Variants in TESK2 observed in about 807,000 individuals in gnomAD.
TESK2 encodes the protein dual specificity testis-specific protein kinase 2.
Under a neutral mutation model 57.1 loss-of-function variants are expected in TESK2, and 39 were observed. The ratio of observed to expected loss-of-function variants is 0.68; its 90% CI spans 0.53 to 0.89. TESK2 has a LOEUF of 0.89. Ranked by LOEUF, TESK2 falls within the 40% of genes least tolerant of loss-of-function variation. The pLI is 0.00. For missense variants in TESK2, 646 were observed against 732.1 expected, an observed-to-expected ratio of 0.88 and a Z score of 1.36; for synonymous variants, 249 against 267.9, an observed-to-expected ratio of 0.93 and a Z score of 0.69.
chr1:45,373,727 A>T (rs1174841694), intron 4 of TESK2, among the ~76,000 whole-genome samples: 2 of 152,258 alleles, frequency 1.3e-5, no homozygotes, highest in Non-Finnish European at 2.9e-5. Context: ...CAGGATAACA[A>T]GAAAAGACCA....
intron 1 of TESK2, among the ~76,000 whole-genome samples, chr1:45,472,973 TAAAAAAA>T (rs1023886539): frequency 3.0e-5 from 3 of 100,846 alleles, no homozygotes; most frequent in Non-Finnish European, 6.2e-5. Flanking sequence ...CTGTCTCTAC[TAAAAAAA>T]AAAAAAAAAA....
intron 5 of TESK2, among the ~76,000 whole-genome samples, chr1:45,349,214 C>G (rs1295156281): frequency 1.3e-5 from 2 of 151,886 alleles, no homozygotes; most frequent in Admixed American, 6.6e-5. Context: ...AAATCAATCC[C>G]TTACTCTGGC....
chr1:45,403,191 G>A (rs1649699355), intron 3 of TESK2, among the ~76,000 whole-genome samples: 1 of 150,620 alleles, frequency 6.6e-6, no homozygotes, highest in African/African-American at 2.4e-5. Context: ...TGAAGTGGAA[G>A]GCTTGAGCCT....
chr1:45,442,846 C>T (rs1023185315), intron 2 of TESK2, among the ~76,000 whole-genome samples: 5 of 152,156 alleles, frequency 3.3e-5, no homozygotes, highest in Admixed American at 3.3e-4. Flanking sequence ...AGTGCAGTGG[C>T]GTGATCTCGG....
At chr1:45,389,700 T>C (rs1649058494) in intron 3 of TESK2, among the ~76,000 whole-genome samples, 1 of 152,176 alleles carries the variant, frequency 6.6e-6, no homozygotes, top group African/African-American at 2.4e-5. Flanking sequence ...TGGGAGACAT[T>C]AAGAAAGTTA....
At chr1:45,490,621 G>C (rs1168992341) in intron 1 of TESK2, among the ~76,000 whole-genome samples, 1 of 152,128 alleles carries the variant, frequency 6.6e-6, no homozygotes, top group East Asian at 1.9e-4. Flanking sequence ...CAGGTTCTAA[G>C]GGGGAGCAGA....
chr1:45,477,553 C>T (rs534985604), intron 1 of TESK2, among the ~76,000 whole-genome samples: 1 of 151,636 alleles, frequency 6.6e-6, no homozygotes, highest in African/African-American at 2.4e-5. Flanking sequence ...ACCTGGGAGA[C>T]GGTGGTTGCA....
At chr1:45,391,493 T>C (rs1240696922) in intron 3 of TESK2, among the ~76,000 whole-genome samples, 3 of 152,102 alleles carry the variant, frequency 2.0e-5, no homozygotes, top group South Asian at 2.1e-4. Context: ...TCTTGAAACT[T>C]TTCTCACTAT....
intron 4 of TESK2, among the ~76,000 whole-genome samples, chr1:45,368,178 TAG>T (rs2149269177): frequency 7.1e-6 from 1 of 141,646 alleles, no homozygotes; most frequent in African/African-American, 2.6e-5. Flanking sequence ...GTATATTTAA[TAG>T]AGATGGGTTT....
At chr1:45,401,213 G>GTAGATGCAGT (rs1557558766) in intron 3 of TESK2, among the ~76,000 whole-genome samples, 6 of 151,400 alleles carry the variant, frequency 4.0e-5, no homozygotes, top group Non-Finnish European at 8.8e-5. Flanking sequence ...CCTGACCAAC[G>GTAGATGCAGT]TGGTGAAACC....
intron 2 of TESK2, among the ~76,000 whole-genome samples, chr1:45,429,042 C>T (rs563274946): frequency 2.7e-5 from 4 of 150,390 alleles, no homozygotes; most frequent in South Asian, 2.1e-4. Context: ...AGGATGGTCT[C>T]GATCTCCTGA....
chr1:45,358,006 TAAAAAAAAAA>T (rs760610185), intron 4 of TESK2, among the ~76,000 whole-genome samples: 1 of 24,278 alleles, frequency 4.1e-5, no homozygotes. Flanking sequence ...AAACTCCGTC[TAAAAAAAAAA>T]AAAAAAAAAA....
chr1:45,457,700 TCTC>T lies in TESK2; in HGVS notation c.83_85del (p.Gly28del), dbSNP rs761350985. On this transcript the variant is annotated inframe_deletion, in exon 2 of 11. Coordinates refer to ENST00000372086, the MANE Select transcript of TESK2 (RefSeq NM_007170.3). ...TCTTCCCACCTGGCTCACATTTCCT[TCTC>T]CTCCACCACCTCCTTCAAACTCTTC... 10 of 1,614,004 alleles carry T rather than the reference TCTC, an allele frequency of 6.2e-6. No individual in the cohort carries two copies. Among genetic ancestry groups the T allele is most frequent in the African/African-American group, 2.7e-5 (2 of 74,890 alleles).
chr1:45,464,752 T>C (rs60716881), intron 1 of TESK2, among the ~76,000 whole-genome samples: 1 of 152,306 alleles, frequency 6.6e-6, no homozygotes, highest in African/African-American at 2.4e-5. Flanking sequence ...GAATTGCTCA[T>C]TGCAGCTCAA....
At chr1:45,412,326 G>C (rs567051411) in intron 3 of TESK2, among the ~76,000 whole-genome samples, 1 of 152,220 alleles carries the variant, frequency 6.6e-6, no homozygotes, top group East Asian at 1.9e-4. Context: ...AGATGCAAAA[G>C]CCTTTGAATA....
chr1:45,423,242 T>C (rs928852965), intron 2 of TESK2, among the ~76,000 whole-genome samples: 3 of 152,030 alleles, frequency 2.0e-5, no homozygotes, highest in African/African-American at 7.3e-5. Context: ...ACCCACATAC[T>C]CAAAGTCTCC....
intron 3 of TESK2, among the ~76,000 whole-genome samples, chr1:45,417,382 C>T (rs980215211): frequency 1.3e-5 from 2 of 152,142 alleles, no homozygotes; most frequent in Admixed American, 6.6e-5. Context: ...CAGGCATGCA[C>T]CACCACACCC....
At chr1:45,473,231 C>T (rs1652847015) in intron 1 of TESK2, among the ~76,000 whole-genome samples, 1 of 151,758 alleles carries the variant, frequency 6.6e-6, no homozygotes, top group Non-Finnish European at 1.5e-5. Context: ...TACCGAGTTC[C>T]TACCATGCAC....
chr1:45,395,815 T>C (rs1649333768), intron 3 of TESK2, among the ~76,000 whole-genome samples: 2 of 152,094 alleles, frequency 1.3e-5, no homozygotes, highest in African/African-American at 4.8e-5. Context: ...TTTAACTATG[T>C]TTTATCACAT....
Sources: gnomAD v4.1 joint callset for allele counts (sites outside exome capture counted in the v4.1 genomes callset) on GRCh38, gnomAD v4.1.1 for gene constraint, MANE v1.5 for transcripts, NCBI Gene and HGNC (gene_info 2026-07-23, HGNC 2026-07-21) for gene names.